The following LY75 variants were observed in gnomAD, a reference collection of about 807,000 sequenced individuals.
LY75 encodes the protein C-type lectin domain family 13 member B.
Under a neutral mutation model 231.7 loss-of-function variants are expected in LY75, and 185 were observed. That is an observed-to-expected ratio of 0.80 (90% CI 0.71 to 0.90). LY75 has a LOEUF of 0.90. LY75 is among the 40% of genes least tolerant of loss of function. The probability of loss-of-function intolerance (pLI) is 0.00; values close to 1 mark genes in which losing one functional copy is unlikely to be tolerated. For missense variants in LY75, 1,947 were observed against 2,050.2 expected, an observed-to-expected ratio of 0.95 and a Z score of 0.97; for synonymous variants, 668 against 689.0, an observed-to-expected ratio of 0.97 and a Z score of 0.48.
chr2:159,857,159 T>C (rs1684571887), intron 16 of LY75, among the ~76,000 whole-genome samples: 1 of 152,240 alleles, frequency 6.6e-6, no homozygotes, highest in South Asian at 2.1e-4. Context: ...ATTTATCCTT[T>C]AGAAAAACCC....
intron 14 of LY75, among the ~76,000 whole-genome samples, chr2:159,861,408 G>A (rs1684695406): frequency 1.3e-5 from 2 of 152,204 alleles, no homozygotes; most frequent in South Asian, 4.1e-4. Context: ...TGGAATAATA[G>A]CAAGGATTTT....
At chr2:159,838,082 A>T (rs995559608) in intron 25 of LY75, among the ~76,000 whole-genome samples, 2 of 152,216 alleles carry the variant, frequency 1.3e-5, no homozygotes, top group African/African-American at 2.4e-5. Flanking sequence ...CATTTCCTGC[A>T]TGAATTTATA....
intron 25 of LY75, among the ~76,000 whole-genome samples, chr2:159,840,058 A>C (rs1683966879): frequency 6.6e-6 from 1 of 150,924 alleles, no homozygotes; most frequent in Non-Finnish European, 1.5e-5. Context: ...AGGACTCTTT[A>C]ACACTATCCA....
At chr2:159,830,947 C>A (rs1026996388) in intron 28 of LY75, among the ~76,000 whole-genome samples, 13 of 152,120 alleles carry the variant, frequency 8.5e-5, no homozygotes, top group African/African-American at 2.4e-4. Flanking sequence ...GGTTATAAAC[C>A]CAAAACTGCA....
chr2:159,898,236 T>C (rs898539567), intron 2 of LY75, among the ~76,000 whole-genome samples: 1 of 152,204 alleles, frequency 6.6e-6, no homozygotes, highest in Non-Finnish European at 1.5e-5. Context: ...TGCCTCAGTC[T>C]CTCGAGAAGC....
chr2:159,858,218 G>T, intron 16 of LY75, 144 bp downstream of exon 16: 4 of 940,176 alleles, frequency 4.3e-6, no homozygotes, highest in Non-Finnish European at 5.9e-6. Context: ...AGTCAGGCAG[G>T]GGGTGCTCCA....
rs376524879 is a variant in LY75, at chr2:159,813,332, G to T, written c.4549+2073C>A. Among the ~76,000 whole-genome samples the T allele has an allele frequency of 1.6e-3, 229 of 141,310 alleles. 1 individual carries two copies. The highest frequency in any genetic ancestry group is 7.2e-3 in the Middle Eastern group (2 of 276). 92.7% of individuals were successfully genotyped at this position (141,310 alleles called of 152,430 possible). ...ACTAATGCCTGTTATTCTCTGTTTTGTTTTTTTTTTTTTTGAAGATCCAGT... is the reference window on the plus strand; with the variant it reads ...ACTAATGCCTGTTATTCTCTGTTTTTTTTTTTTTTTTTTTGAAGATCCAGT... On this transcript the variant is annotated intron_variant, in intron 31 of 34. Coordinates refer to ENST00000263636, the MANE Select transcript of LY75 (RefSeq NM_002349.4).
chr2:159,842,065 G>C (rs531216960), intron 24 of LY75, among the ~76,000 whole-genome samples, 180 bp downstream of exon 24: 122 of 151,960 alleles, frequency 8.0e-4, no homozygotes, highest in African/African-American at 2.9e-3. Flanking sequence ...TTTAGATACA[G>C]GGGGTACATG....
At chr2:159,808,420 C>A (rs748111205) in intron 33 of LY75, 29 bp downstream of exon 33, 1 of 1,613,326 alleles carries the variant, frequency 6.2e-7, no homozygotes, top group Non-Finnish European at 8.5e-7. Context: ...ACTCTCTTTG[C>A]ACACTACACA....
chr2:159,893,884 T>C, intron 3 of LY75, 30 bp downstream of exon 3: 1 of 1,579,216 alleles, frequency 6.3e-7, no homozygotes, highest in Non-Finnish European at 8.6e-7. Flanking sequence ...GTACTACCTT[T>C]CCACATAAAA....
chr2:159,885,416 TA>T, intron 5 of LY75, 123 bp from the exon 6 acceptor site: 1 of 1,285,200 alleles, frequency 7.8e-7, no homozygotes. Context: ...AGTTAAAACT[TA>T]ACTAAATTGA....
intron 25 of LY75, among the ~76,000 whole-genome samples, chr2:159,835,946 C>A (rs953645516): frequency 6.6e-6 from 1 of 152,126 alleles, no homozygotes; most frequent in Non-Finnish European, 1.5e-5. Context: ...GGCCTTTCTG[C>A]CAGGCTGTCG....
chr2:159,877,187 G>A (rs1685303287), intron 11 of LY75, among the ~76,000 whole-genome samples: 1 of 152,098 alleles, frequency 6.6e-6, no homozygotes, highest in African/African-American at 2.4e-5. Context: ...TGTTGATGGT[G>A]ATGACCATGT....
chr2:159,853,312 C>A lies in LY75; in HGVS notation c.2704G>T (p.Glu902Ter). ...TTGGCAGACATGTACAAGCATTCCT[C>A]TCCAAATGTCACAGGAAAGCGGTGC... Reference protein sequence around the residue: ...PWHRFPVTFGEECLYMSAKTW... With the variant: ...PWHRFPVTFG Residue 902 changes from glutamate (E) to a stop codon, truncating the protein, a stop_gained, in exon 20 of 35, where the codon GAG becomes TAG. Coordinates refer to ENST00000263636, the MANE Select transcript of LY75 (RefSeq NM_002349.4). LOFTEE classifies it high-confidence loss of function. 6.2e-7 allele frequency: 1 copy of A among 1,613,556 alleles called. No individual in the cohort carries two copies.
chr2:159,821,619 CA>C (rs1184847871), intron 28 of LY75, among the ~76,000 whole-genome samples: 29 of 35,912 alleles, frequency 8.1e-4, no homozygotes, highest in Non-Finnish European at 1.1e-3. Context: ...AAGTCTGTCT[CA>C]AAAAAAAAAA....
In LY75 at chr2:159,890,321, AT is replaced by A; in HGVS notation, c.693del (p.Gln231HisfsTer25). ...CAAGAAAGAGCCGTCTGAGTATTAAATTGGTAGCAACTTCCAAACTGCTCGT... is the reference window on the plus strand; with the variant it reads ...CAAGAAAGAGCCGTCTGAGTATTAAATGGTAGCAACTTCCAAACTGCTCGT... ...EKNEQFGSCY[Q>X]FNTQTALSWK... is the part of the protein sequence containing the mutation. On this transcript the variant is annotated frameshift_variant, in exon 4 of 35. Transcript: ENST00000263636. LOFTEE classifies it high-confidence loss of function. 6.2e-7 allele frequency: 1 copy of A among 1,613,516 alleles called. No individual in the cohort carries two copies. Among genetic ancestry groups the A allele is most frequent in the East Asian group, 2.2e-5 (1 of 44,862 alleles).
Position 159,805,125 on chromosome 2 carries a change from C to T in LY75, c.5088G>A (p.Leu1696=), listed in dbSNP as rs758881027. 51 of 1,614,024 alleles carry T rather than the reference C, an allele frequency of 3.2e-5. No individual in the cohort carries two copies. The highest frequency in any genetic ancestry group is 8.8e-5 in the South Asian group (8 of 91,082). ...LIWFLFQRHR[L]HLAGFSSVRY... ...GAACTGATGAGAAACCCGCCAGGTG[C>T]AAACGGTGCCTTTGGAAGAGGAACC... is the stretch of plus-strand genomic sequence containing the variant. The change falls in exon 35 of 35, where the codon TTG becomes TTA. Residue 1696 remains leucine (L), a synonymous_variant. Coordinates refer to ENST00000263636, the MANE Select transcript of LY75 (RefSeq NM_002349.4).
chr2:159,812,660 G>A (rs1341269001), intron 31 of LY75, among the ~76,000 whole-genome samples: 1 of 152,086 alleles, frequency 6.6e-6, no homozygotes, highest in African/African-American at 2.4e-5. Flanking sequence ...CCACCCACCT[G>A]TCTCAGCCCC....
chr2:159,874,238 T>TATATATTGTAAATATATATAA (rs1553809779), intron 12 of LY75, among the ~76,000 whole-genome samples: 40,573 of 91,146 alleles, frequency 0.45, 13,435 homozygotes, highest in Non-Finnish European at 0.62. Flanking sequence ...ATTGTAAATA[T>TATATATTGTAAATATATATAA]ATATATTGTA....
Sources: gnomAD v4.1 joint callset for allele counts (sites outside exome capture counted in the v4.1 genomes callset) on GRCh38, gnomAD v4.1.1 for gene constraint, MANE v1.5 for transcripts, NCBI Gene and HGNC (gene_info 2026-07-23, HGNC 2026-07-21) for gene names.